Variants in DOCK5 observed in about 807,000 individuals in gnomAD.
DOCK5 encodes the protein dedicator of cytokinesis 5, also known as dedicator of cytokinesis protein 5.
In DOCK5, 142 loss-of-function variants were observed where a neutral mutation model predicts 251.8. That is an observed-to-expected ratio of 0.56 (90% CI 0.49 to 0.65). The LOEUF is 0.65. DOCK5 is among the 30% of genes least tolerant of loss of function. The pLI is 0.00. For synonymous variants in DOCK5, 842 were observed against 835.5 expected, an observed-to-expected ratio of 1.01 and a Z score of -0.13; for missense variants, 2,111 against 2,312.3, an observed-to-expected ratio of 0.91 and a Z score of 1.79.
In DOCK5 at chr8:25,268,958, T is replaced by C. The variant is rs537102701; in HGVS notation, c.168+73T>C. On this transcript the variant is annotated intron_variant, in intron 3 of 51. Coordinates refer to ENST00000276440, the MANE Select transcript of DOCK5 (RefSeq NM_024940.8). Reference sequence around the variant, plus strand: ...AGTTTTGTATTGTGCTATGTGACCCTCTCCTCTGCTCTCTGCTGTCTCTAG... The same window carrying C: ...AGTTTTGTATTGTGCTATGTGACCCCCTCCTCTGCTCTCTGCTGTCTCTAG... 373 of 1,262,234 alleles carry C rather than the reference T, an allele frequency of 3.0e-4. 2 individuals carry two copies. Among genetic ancestry groups the C allele is most frequent in the South Asian group, 9.4e-4 (70 of 74,474 alleles). The allele number at this position is 1,262,234 out of a possible 1,614,324, so 78.2% of individuals were successfully genotyped here.
chr8:25,270,720 G>A, intron 3 of DOCK5: 1 of 661,516 alleles, frequency 1.5e-6, no homozygotes, highest in South Asian at 1.7e-5. Flanking sequence ...GGATCCTTTT[G>A]AACATGGCAG....
intron 1 of DOCK5, among the ~76,000 whole-genome samples, chr8:25,227,116 C>A (rs563397200): frequency 6.6e-6 from 1 of 152,066 alleles, no homozygotes; most frequent in Non-Finnish European, 1.5e-5. Context: ...TGACTTCTGC[C>A]GAATTTCAAA....
rs147896379 is a variant in DOCK5, at chr8:25,278,865, G to A, written c.321+200G>A. On this transcript the variant is annotated intron_variant, in intron 5 of 51. Transcript: ENST00000276440. ...ATAGCGGGTAGTGGAGTAACTGGGC[G>A]TAATCATTCTAGCAGTCTTTTCTCA... Among the ~76,000 whole-genome samples, 669 of 152,264 alleles carry A rather than the reference G, an allele frequency of 4.4e-3. 2 individuals are homozygous for A. Among genetic ancestry groups the A allele is most frequent in the Middle Eastern group, 0.037 (11 of 294 alleles).
At chr8:25,351,507 A>C (rs147912496) in intron 26 of DOCK5, 1 of 493,312 alleles carries the variant, frequency 2.0e-6, no homozygotes, top group Non-Finnish European at 3.6e-6. Context: ...TCATCCCTGC[A>C]CAGCCACATT....
chr8:25,208,050 C>CA (rs1168817726), intron 1 of DOCK5, among the ~76,000 whole-genome samples: 1 of 152,076 alleles, frequency 6.6e-6, no homozygotes, highest in Non-Finnish European at 1.5e-5. Context: ...TTGAGGGGTT[C>CA]AAAACTTCAG....
chr8:25,213,364 C>CAA (rs34974024), intron 1 of DOCK5, among the ~76,000 whole-genome samples: 261 of 74,528 alleles, frequency 3.5e-3, no homozygotes, highest in South Asian at 8.7e-3. Flanking sequence ...ATGAATGTAG[C>CAA]AAAAAAAAAA....
At chr8:25,201,745 T>C (rs1031961550) in intron 1 of DOCK5, among the ~76,000 whole-genome samples, 1 of 152,184 alleles carries the variant, frequency 6.6e-6, no homozygotes, top group African/African-American at 2.4e-5. Flanking sequence ...ACGGAAGGAA[T>C]AAGATTAGCA....
intron 1 of DOCK5, among the ~76,000 whole-genome samples, chr8:25,226,961 G>A: frequency 6.6e-6 from 1 of 152,118 alleles, no homozygotes; most frequent in East Asian, 1.9e-4. Flanking sequence ...TCCTTTAAAA[G>A]GTGACTAATT....
chr8:25,318,669 T>C (rs1224953136), intron 14 of DOCK5, among the ~76,000 whole-genome samples: 1 of 145,802 alleles, frequency 6.9e-6, no homozygotes, highest in Non-Finnish European at 1.5e-5. Flanking sequence ...CATAAAGAAG[T>C]GAGTCCCAAT....
rs538820322 is a variant in DOCK5 at position 25,395,716 on chromosome 8, A to G, written c.4701A>G (p.Glu1567=). ...TCATGGGGGGCTTCTCCAACTATGA[A>G]AAGGTTCGCTTGGTCCCAGAATCCC... ...PAVMGGFSNY[E]KAFFTEKYLQ... is the part of the protein sequence containing the mutation. The change falls in exon 45 of 52, where the codon GAA becomes GAG. Residue 1567 remains glutamate, a synonymous_variant. Transcript: ENST00000276440. The G allele has an allele frequency of 4.0e-5, 64 of 1,613,308 alleles. No individual in the cohort carries two copies. Among genetic ancestry groups the G allele is most frequent in the Non-Finnish European group, 5.1e-5 (60 of 1,179,662 alleles).
At chr8:25,368,014 C>T (rs77857981) in intron 31 of DOCK5, among the ~76,000 whole-genome samples, 178 bp from the exon 32 acceptor site, 3,582 of 152,258 alleles carry the variant, frequency 0.024, 123 homozygotes, top group African/African-American at 0.08. Flanking sequence ...CAAGGTCCCC[C>T]GGCCTCTGTG....
chr8:25,206,100 T>C (rs189230111), intron 1 of DOCK5, among the ~76,000 whole-genome samples: 199 of 152,202 alleles, frequency 1.3e-3, no homozygotes, highest in African/African-American at 4.6e-3. Flanking sequence ...AGGGAAGTAG[T>C]TGAACTTTAT....
In DOCK5 at chr8:25,410,050, T is replaced by C. The variant is rs182469060; in HGVS notation, c.5405-49T>C. 1,458 of 1,505,470 alleles carry C rather than the reference T, an allele frequency of 9.7e-4. 3 individuals carry two copies. Among genetic ancestry groups the C allele is most frequent in the Non-Finnish European group, 1.1e-3 (1,260 of 1,097,188 alleles). 93.3% of individuals were successfully genotyped at this position (1,505,470 alleles called of 1,614,324 possible). A position where few individuals can be genotyped will look rare whatever the true frequency, so the allele number is the denominator to read the frequency against. ...AGTGCCAGCAACATTTCCATGAGCTTCCTTGCTCAGTGCCTCTCTCTGCCG... is the reference window on the plus strand; with the variant it reads ...AGTGCCAGCAACATTTCCATGAGCTCCCTTGCTCAGTGCCTCTCTCTGCCG... On this transcript the variant is annotated intron_variant, in intron 50 of 51. Transcript: ENST00000276440.
intron 18 of DOCK5, among the ~76,000 whole-genome samples, chr8:25,326,025 G>A (rs1174284279): frequency 2.0e-5 from 3 of 151,978 alleles, no homozygotes; most frequent in African/African-American, 7.3e-5. Context: ...AAGCAGTCAG[G>A]GATTTTCCAT....
intron 11 of DOCK5, chr8:25,304,537 A>C: frequency 2.1e-6 from 1 of 481,504 alleles, no homozygotes; most frequent in Non-Finnish European, 3.6e-6. Context: ...AACTTTCCTG[A>C]TTCTATAGAA....
intron 2 of DOCK5, among the ~76,000 whole-genome samples, chr8:25,260,001 C>T (rs992280676): frequency 6.6e-6 from 1 of 152,170 alleles, no homozygotes; most frequent in Non-Finnish European, 1.5e-5. Context: ...ATCTTGAGAC[C>T]TGAGGCTCAG....
chr8:25,318,592 CTTTTTTTTTTTTT>C (rs546657586), intron 14 of DOCK5, among the ~76,000 whole-genome samples: 5 of 88,248 alleles, frequency 5.7e-5, no homozygotes. Context: ...TTCTTTCCTT[CTTTTTTTTTTTTT>C]TTTTTTTTAA....
intron 40 of DOCK5, 110 bp from the exon 41 acceptor site, chr8:25,388,981 G>A: frequency 1.0e-6 from 1 of 975,172 alleles, no homozygotes; most frequent in South Asian, 1.6e-5. Flanking sequence ...ACTTGATGGT[G>A]GGGATTGAAC....
chr8:25,408,345 TA>T (rs1410510552), intron 49 of DOCK5, among the ~76,000 whole-genome samples, 191 bp downstream of exon 49: 1 of 152,164 alleles, frequency 6.6e-6, no homozygotes, highest in Non-Finnish European at 1.5e-5. Flanking sequence ...TTCGAGTCTA[TA>T]AATCAACATT....
Sources: allele counts gnomAD v4.1 joint callset (sites outside exome capture counted in the v4.1 genomes callset), GRCh38; gene constraint gnomAD v4.1.1; transcripts MANE v1.5; gene names NCBI Gene and HGNC (gene_info 2026-07-23, HGNC 2026-07-21).